ST3GAL2: variants seen among roughly 807,000 people sequenced by gnomAD.
ST3GAL2 encodes ST3 beta-galactoside alpha-2,3-sialyltransferase 2.
Under a neutral mutation model 37.5 loss-of-function variants are expected in ST3GAL2, and 16 were observed. The observed-to-expected ratio is 0.43, with a 90% CI of 0.29 to 0.65. The LOEUF (loss-of-function observed/expected upper bound fraction) is 0.65. Ranked by LOEUF, ST3GAL2 falls within the 30% of genes least tolerant of loss-of-function variation. The pLI, the probability that ST3GAL2 is intolerant of heterozygous loss-of-function variation, is 0.17. For synonymous variants in ST3GAL2, 238 were observed against 202.9 expected (o/e 1.17, Z -1.47); for missense variants, 383 against 487.8 (o/e 0.79, Z 2.02).
At chr16:70,405,748 G>C (rs1199192459) in intron 1 of ST3GAL2, among the ~76,000 whole-genome samples, 1 of 151,782 alleles carries the variant, frequency 6.6e-6, no homozygotes, top group Non-Finnish European at 1.5e-5. Context: ...TTCCAAAATT[G>C]TTTGTGGTGA....
intron 1 of ST3GAL2, among the ~76,000 whole-genome samples, chr16:70,418,717 G>A (rs2047692504): frequency 6.6e-6 from 1 of 152,150 alleles, no homozygotes; most frequent in African/African-American, 2.4e-5. Context: ...CTCTAGCCTG[G>A]TTGTGGAGGA....
chr16:70,388,360 A>AG lies in ST3GAL2; in HGVS notation c.713+6dup, dbSNP rs2047457041. The AG allele has an allele frequency of 1.2e-6, 2 of 1,613,850 alleles. No homozygotes were observed. The highest frequency in any genetic ancestry group is 3.3e-5 in the Admixed American group (2 of 59,970). On this transcript the variant is annotated splice_region_variant and intron_variant, in intron 4 of 6. Coordinates refer to ENST00000342907, the MANE Select transcript of ST3GAL2 (RefSeq NM_006927.4). ...CCATATTCTACCCAGGCCAGCAAGA[A>AG]GCTCACAATCGGATCTGCCCCGTGG...
chr16:70,398,047 C>G, intron 2 of ST3GAL2, 145 bp downstream of exon 2: 3 of 860,816 alleles, frequency 3.5e-6, no homozygotes, highest in Non-Finnish European at 5.3e-6. Context: ...AGTGCTTGCT[C>G]TGCCCTTCAG....
intron 1 of ST3GAL2, among the ~76,000 whole-genome samples, chr16:70,408,890 C>CAAAACAAAAAAAAAA (rs2047613111): frequency 1.7e-5 from 1 of 59,854 alleles, no homozygotes; most frequent in Non-Finnish European, 3.5e-5. Context: ...CTCAAAGAAA[C>CAAAACAAAAAAAAAA]AAAAAAAAAA....
At position 70,380,912 on chromosome 16, in the gene ST3GAL2, C is replaced by G. The variant is rs1330273398; in HGVS notation, c.*777G>C. On this transcript the variant is annotated 3_prime_UTR_variant, in exon 7 of 7. Transcript: ENST00000342907. ...AACAGGTAGGCTGGTGAGGAGGCCT[C>G]CGGCCCAGGGAGAGGCGCTGAGAAG... 1 of 154,078 alleles carries G rather than the reference C, an allele frequency of 6.5e-6. No homozygotes were observed. The highest frequency in any genetic ancestry group is 2.4e-5 in the African/African-American group (1 of 41,500). 9.5% of individuals were successfully genotyped at this position (154,078 alleles called of 1,614,324 possible). A position where few individuals can be genotyped will look rare whatever the true frequency, so the allele number is the denominator to read the frequency against.
chr16:70,408,747 C>T (rs1230012329), intron 1 of ST3GAL2, among the ~76,000 whole-genome samples: 1 of 151,962 alleles, frequency 6.6e-6, no homozygotes, highest in African/African-American at 2.4e-5. Flanking sequence ...ACCCAGAAGG[C>T]AAGAGCTAAC....
intron 1 of ST3GAL2, among the ~76,000 whole-genome samples, chr16:70,401,334 C>G (rs1195083682): frequency 6.6e-6 from 1 of 152,186 alleles, no homozygotes; most frequent in Non-Finnish European, 1.5e-5. Context: ...AGGAACTGCA[C>G]TGCCTGTTAG....
rs2047506747 is a variant in ST3GAL2, at chr16:70,395,119, G to T, written c.396C>A (p.Phe132Leu). Residue 132 changes from phenylalanine to leucine, a missense_variant, in exon 3 of 7, where the codon TTC (phenylalanine) becomes TTA (leucine). Coordinates refer to ENST00000342907, the MANE Select transcript of ST3GAL2 (RefSeq NM_006927.4). ...HNTNEVLEKL[F>L]QIVPGENPYR... ...AGGGGTTCTCGCCAGGCACTATCTG[G>T]AACAGCTTCTCCAGCACCTCATTGG... 1.2e-6 allele frequency: 2 copies of T among 1,613,558 alleles called. No individual in the cohort carries two copies. The highest frequency in any genetic ancestry group is 1.7e-6 in the Non-Finnish European group (2 of 1,179,742).
intron 2 of ST3GAL2, among the ~76,000 whole-genome samples, chr16:70,397,553 G>A (rs1004423619): frequency 5.3e-5 from 8 of 151,652 alleles, no homozygotes; most frequent in African/African-American, 7.3e-5. Context: ...GTGAAACCCC[G>A]TCTGTACTAA....
intron 1 of ST3GAL2, among the ~76,000 whole-genome samples, chr16:70,409,701 C>G (rs1041879972): frequency 6.6e-6 from 1 of 151,836 alleles, no homozygotes; most frequent in Non-Finnish European, 1.5e-5. Context: ...ATGCCGGTGG[C>G]GCAATCACAG....
intron 1 of ST3GAL2, among the ~76,000 whole-genome samples, chr16:70,428,424 T>TTGGCAGCC (rs1299073190): frequency 8.5e-5 from 13 of 152,214 alleles, no homozygotes. Context: ...AGACTGACCT[T>TTGGCAGCC]TGGCAGCCTT....
chr16:70,423,237 G>A (rs764329242), intron 1 of ST3GAL2, among the ~76,000 whole-genome samples: 6 of 152,028 alleles, frequency 3.9e-5, no homozygotes, highest in African/African-American at 1.5e-4. Flanking sequence ...GGCTGGGCGC[G>A]GTGGCTCACG....
rs750262440 is a variant in ST3GAL2 at position 70,398,415 on chromosome 16, G to A, written c.116C>T (p.Ser39Leu). The A allele has an allele frequency of 1.2e-4, 197 of 1,613,618 alleles. No individual in the cohort carries two copies. Among genetic ancestry groups the A allele is most frequent in the Non-Finnish European group, 1.6e-4 (191 of 1,180,018 alleles). The change falls in exon 2 of 7, where the codon TCA becomes TTA. Residue 39 changes from serine (S) to leucine (L), a missense_variant. By Grantham distance (145) the Ser-to-Leu change is moderately radical. This residue lies in a region of ST3GAL2 where 223 missense variants were observed against 239.1 expected (regional missense o/e 0.93). Coordinates refer to ENST00000342907, the MANE Select transcript of ST3GAL2 (RefSeq NM_006927.4). The stretch of plus-strand genomic sequence containing the variant: ...CCGGTGCGTCCCATCCAGGGCCCCT[G>A]AGTCCAGGTAGGGGAGCGTGGCCAT... ...HSMATLPYLD[S>L]GALDGTHRVK...
intron 1 of ST3GAL2, among the ~76,000 whole-genome samples, chr16:70,427,919 T>C (rs117837482): frequency 9.8e-4 from 149 of 152,334 alleles, no homozygotes; most frequent in Non-Finnish European, 1.6e-3. Flanking sequence ...TCCTTCTTCA[T>C]AGGGTAGCCA....
intron 2 of ST3GAL2, among the ~76,000 whole-genome samples, chr16:70,397,490 G>T (rs556746681): frequency 6.6e-6 from 1 of 152,128 alleles, no homozygotes; most frequent in South Asian, 2.1e-4. Context: ...TTGGGAAGCT[G>T]AGGCGGGCAG....
chr16:70,382,744 G>A (rs534866747), intron 6 of ST3GAL2, 61 bp downstream of exon 6: 15 of 1,606,150 alleles, frequency 9.3e-6, no homozygotes, highest in Non-Finnish European at 1.1e-5. Flanking sequence ...GCTAAGACCC[G>A]AGAAGGCCTG....
At chr16:70,418,184 G>T (rs561795419) in intron 1 of ST3GAL2, among the ~76,000 whole-genome samples, 11 of 152,298 alleles carry the variant, frequency 7.2e-5, no homozygotes, top group African/African-American at 2.6e-4. Flanking sequence ...GCCAGACTGG[G>T]AAGAGCCCTC....
chr16:70,406,964 C>T (rs1204784679), intron 1 of ST3GAL2, among the ~76,000 whole-genome samples: 3 of 152,100 alleles, frequency 2.0e-5, no homozygotes, highest in Non-Finnish European at 4.4e-5. Flanking sequence ...CATCGAGTGT[C>T]GTCCTGGAGG....
At chr16:70,382,640 T>C (rs2047414072) in intron 6 of ST3GAL2, among the ~76,000 whole-genome samples, 165 bp downstream of exon 6, 1 of 152,082 alleles carries the variant, frequency 6.6e-6, no homozygotes, top group Non-Finnish European at 1.5e-5. Context: ...GCAGAAACGT[T>C]TGGGAAAGGC....
Sources: allele counts gnomAD v4.1 joint callset (sites outside exome capture counted in the v4.1 genomes callset), GRCh38; gene constraint gnomAD v4.1.1; regional missense constraint gnomAD v4.1.1; transcripts MANE v1.5; gene names NCBI Gene and HGNC (gene_info 2026-07-23, HGNC 2026-07-21).